Variants in SPTB observed in about 807,000 individuals in gnomAD.
SPTB encodes the protein spectrin beta chain, erythrocytic.
In SPTB, 45 loss-of-function variants were observed where a neutral mutation model predicts 256.2. The observed-to-expected ratio is 0.18, with a 90% CI of 0.14 to 0.23. The LOEUF is 0.23. Ranked by LOEUF, SPTB falls within the 10% of genes least tolerant of loss-of-function variation. The pLI, the probability that SPTB is intolerant of heterozygous loss-of-function variation, is 1.00. For synonymous variants in SPTB, 1,231 were observed against 1,243.1 expected, an observed-to-expected ratio of 0.99 and a Z score of 0.21; for missense variants, 2,715 against 3,040.4, an observed-to-expected ratio of 0.89 and a Z score of 2.52.
At chr14:64,809,965 T>C (rs188389390) in intron 2 of SPTB, among the ~76,000 whole-genome samples, 1 of 152,136 alleles carries the variant, frequency 6.6e-6, no homozygotes, top group African/African-American at 2.4e-5. Flanking sequence ...GTGTTTTAAA[T>C]ATATTTAAAT....
chr14:64,766,441 A>C, intron 32 of SPTB: 1 of 1,414,702 alleles, frequency 7.1e-7, no homozygotes, highest in Non-Finnish European at 9.2e-7. Flanking sequence ...TTATACAATA[A>C]AATTTATTAC....
At chr14:64,797,924 T>A in intron 9 of SPTB, 78 bp from the exon 10 acceptor site, 1 of 967,620 alleles carries the variant, frequency 1.0e-6, no homozygotes, top group Non-Finnish European at 1.7e-6. Context: ...AACACGGAAC[T>A]GTGGCATCTT....
intron 1 of SPTB, among the ~76,000 whole-genome samples, chr14:64,831,024 C>T (rs2083444938): frequency 6.6e-6 from 1 of 152,112 alleles, no homozygotes; most frequent in Non-Finnish European, 1.5e-5. Flanking sequence ...TTGCCTTTTC[C>T]CTCCTATCCA....
chr14:64,753,520 G>T lies in SPTB; in HGVS notation c.6602+17C>A. On this transcript the variant is annotated intron_variant, in intron 33 of 35. Coordinates refer to ENST00000644917, the MANE Select transcript of SPTB (RefSeq NM_001355436.2). Reference sequence around the variant, plus strand: ...CTGCCCAACCTACCCTCAGCCAGCAGCCTCTCCCGCACTCACCTGTTGGAA... The same window carrying T: ...CTGCCCAACCTACCCTCAGCCAGCATCCTCTCCCGCACTCACCTGTTGGAA... 6.2e-7 allele frequency: 1 copy of T among 1,613,202 alleles called. No homozygotes were observed. Among genetic ancestry groups the T allele is most frequent in the Non-Finnish European group, 8.5e-7 (1 of 1,179,994 alleles).
intron 1 of SPTB, among the ~76,000 whole-genome samples, chr14:64,830,285 T>C (rs2083432717): frequency 6.6e-6 from 1 of 151,210 alleles, no homozygotes; most frequent in Non-Finnish European, 1.5e-5. Flanking sequence ...TAGTAGGTAC[T>C]CAATAAATAT....
At chr14:64,832,915 A>G (rs769736576) in intron 1 of SPTB, among the ~76,000 whole-genome samples, 4 of 152,120 alleles carry the variant, frequency 2.6e-5, no homozygotes, top group Non-Finnish European at 5.9e-5. Context: ...AAACTAGCCC[A>G]TTTTCTACAC....
chr14:64,877,419 A>G (rs891389857), intron 1 of SPTB, among the ~76,000 whole-genome samples: 1 of 152,190 alleles, frequency 6.6e-6, no homozygotes, highest in Non-Finnish European at 1.5e-5. Flanking sequence ...TAACCTTAAA[A>G]AGAAGGTAGA....
Position 64,793,304 on chromosome 14 carries a change from C to T in SPTB, c.2359G>A (p.Asp787Asn). Residue 787 changes from aspartate (D) to asparagine (N), a missense_variant, in exon 14 of 36, where the codon GAC becomes AAC. By Grantham distance (23) the Asp-to-Asn change is conservative (BLOSUM62 1). Coordinates refer to ENST00000644917, the MANE Select transcript of SPTB (RefSeq NM_001355436.2). This position sits in a 1 kb window ranked among gnomAD's most constrained non-coding sequence, Gnocchi z 7.0. ...CTCTCCTCCAGCTCCTCCAGGAAGT[C>T]CTTGTGCTTTTTCCCCAGGGCCCGC... ...ATRALGKKHK[D>N]FLEELEESRG... The T allele has an allele frequency of 1.2e-6, 2 of 1,607,798 alleles. No individual in the cohort carries two copies. Among genetic ancestry groups the T allele is most frequent in the Non-Finnish European group, 1.7e-6 (2 of 1,179,996 alleles).
At position 64,844,229 on chromosome 14, in the gene SPTB, TTTA is replaced by T. The variant is rs1248860765; in HGVS notation, c.-51-21087_-51-21085del. 2.0e-5 allele frequency among the ~76,000 whole-genome samples: 3 copies of T among 152,158 alleles called. No individual in the cohort carries two copies. Among genetic ancestry groups the T allele is most frequent in the Non-Finnish European group, 4.4e-5 (3 of 68,028 alleles). ...TGAGAGCTAGAAAGCCCAGCCTGTC[TTTA>T]TTATTATAGTTACCCTTGACTGCCA... On this transcript the variant is annotated intron_variant, in intron 1 of 35. Transcript: ENST00000644917. This position sits in a 1 kb window ranked among gnomAD's most constrained non-coding sequence, Gnocchi z 4.1.
At chr14:64,783,229 C>T (rs537386266) in intron 19 of SPTB, among the ~76,000 whole-genome samples, 3 of 151,040 alleles carry the variant, frequency 2.0e-5, no homozygotes, top group African/African-American at 4.9e-5. Flanking sequence ...TTTGAGACAG[C>T]GTCTCTCTCT....
chr14:64,749,250 C>G lies in SPTB; in HGVS notation c.*56G>C. ...GGCGGCGGCGAGAGGAGGCCAAGGCCTGGGCTGCCCGGTCTCTGCGCGTCC... is the reference window on the plus strand; with the variant it reads ...GGCGGCGGCGAGAGGAGGCCAAGGCGTGGGCTGCCCGGTCTCTGCGCGTCC... On this transcript the variant is annotated 3_prime_UTR_variant, in exon 36 of 36. Coordinates refer to ENST00000644917, the MANE Select transcript of SPTB (RefSeq NM_001355436.2). The surrounding 1 kb of genome is among the most constrained non-coding windows in gnomAD (Gnocchi z 4.7). 4 of 1,535,208 alleles carry G rather than the reference C, an allele frequency of 2.6e-6. No homozygotes were observed. Among genetic ancestry groups the G allele is most frequent in the Non-Finnish European group, 3.5e-6 (4 of 1,145,398 alleles).
Position 64,767,870 on chromosome 14 carries a change from G to T in SPTB, c.6023-11C>A. 6.2e-7 allele frequency: 1 copy of T among 1,613,274 alleles called. No homozygotes were observed. Among genetic ancestry groups the T allele is most frequent in the Middle Eastern group, 1.7e-4 (1 of 5,786 alleles). ...GGCACACCTCCAGCACTGCCAGGGGGAACAGGACACAGACCCCCCACAAGG... is the reference window on the plus strand; with the variant it reads ...GGCACACCTCCAGCACTGCCAGGGGTAACAGGACACAGACCCCCCACAAGG... On this transcript the variant is annotated splice_polypyrimidine_tract_variant and intron_variant, in intron 29 of 35. Transcript: ENST00000644917.
intron 2 of SPTB, among the ~76,000 whole-genome samples, chr14:64,812,662 C>T (rs2083111557): frequency 6.6e-6 from 1 of 152,096 alleles, no homozygotes; most frequent in Non-Finnish European, 1.5e-5. Flanking sequence ...AGCTGCCAGC[C>T]CCACCCACTG....
At chr14:64,803,186 C>A (rs1487519485) in intron 4 of SPTB, among the ~76,000 whole-genome samples, 1 of 152,156 alleles carries the variant, frequency 6.6e-6, no homozygotes, top group African/African-American at 2.4e-5. Context: ...TACAAATAAT[C>A]TGGACTTTGA....
chr14:64,749,217 G>A lies in SPTB; in HGVS notation c.*89C>T, dbSNP rs943722034. 2.8e-5 allele frequency: 41 copies of A among 1,473,298 alleles called. No individual in the cohort carries two copies. The Admixed American group carries it at 5.6e-4, about 20-fold the overall frequency. The allele number at this position is 1,473,298 out of a possible 1,614,324, so 91.3% of individuals were successfully genotyped here. ...CCCGCGACTCGACTCATCTCGATTC[G>A]ACCGGCGGGCGGCGGCGAGAGGAGG... On this transcript the variant is annotated 3_prime_UTR_variant, in exon 36 of 36. Coordinates refer to ENST00000644917, the MANE Select transcript of SPTB (RefSeq NM_001355436.2). The surrounding 1 kb of genome is among the most constrained non-coding windows in gnomAD (Gnocchi z 4.7).
chr14:64,781,825 A>G (rs1264568264), intron 20 of SPTB, among the ~76,000 whole-genome samples: 1 of 152,256 alleles, frequency 6.6e-6, no homozygotes, highest in Non-Finnish European at 1.5e-5. Context: ...AATGCCCATC[A>G]ATGACAGACT....
chr14:64,748,963 G>A lies in SPTB; in HGVS notation c.*343C>T, dbSNP rs1296103085. On this transcript the variant is annotated 3_prime_UTR_variant, in exon 36 of 36. Transcript: ENST00000644917. ...TTTTTTTTTTTTTTTTTGGTTGGGG[G>A]TAAGGGGCCTGTGCCCCCTCGGCTC... 26 of 209,474 alleles carry A rather than the reference G, an allele frequency of 1.2e-4. No homozygotes were observed. In the Admixed American group the frequency reaches 1.2e-3, roughly 10 times the overall value. 13.0% of individuals were successfully genotyped at this position (209,474 alleles called of 1,614,324 possible).
chr14:64,773,196 A>G (rs2139505491), intron 25 of SPTB, 24 bp downstream of exon 25: 2 of 1,614,082 alleles, frequency 1.2e-6, no homozygotes, highest in East Asian at 2.2e-5. Flanking sequence ...AAAGACAAAA[A>G]CAGCAGGAGT....
rs72724498 is a variant in SPTB, at chr14:64,787,031, C to G, written c.2934G>C (p.Glu978Asp). ...KWITDKTKVV[E>D]STKDLGRDLA... ...GGTCCCGCCCCAGGTCTTTTGTGGACTCCACTACCTTTGTCTTGTCCGTGA... is the reference window on the plus strand; with the variant it reads ...GGTCCCGCCCCAGGTCTTTTGTGGAGTCCACTACCTTTGTCTTGTCCGTGA... Residue 978 changes from glutamate (E) to aspartate (D), a missense_variant, in exon 16 of 36, where the codon GAG becomes GAC. Transcript: ENST00000644917. The G allele has an allele frequency of 6.2e-7, 1 of 1,613,980 alleles. No individual in the cohort carries two copies. Among genetic ancestry groups the G allele is most frequent in the Non-Finnish European group, 8.5e-7 (1 of 1,180,046 alleles).
Sources: gnomAD v4.1 joint callset for allele counts (sites outside exome capture counted in the v4.1 genomes callset) on GRCh38, gnomAD v4.1.1 for gene constraint, Gnocchi (gnomAD v3.1) non-coding constraint, MANE v1.5 for transcripts, NCBI Gene and HGNC (gene_info 2026-07-23, HGNC 2026-07-21) for gene names.